Variants in UPRT observed in about 807,000 individuals in gnomAD.
The protein encoded by UPRT is uracil phosphoribosyltransferase homolog, also known as RP11-311P8.3.
A neutral mutation model predicts 22.6 loss-of-function variants in UPRT; 5 were observed. The observed-to-expected ratio is 0.22, with a 90% CI of 0.12 to 0.47. The LOEUF is 0.47. Ranked by LOEUF, UPRT falls within the 20% of genes least tolerant of loss-of-function variation. The pLI is 0.99. For missense variants in UPRT, 181 were observed against 239.9 expected, an observed-to-expected ratio of 0.75 and a Z score of 1.62; for synonymous variants, 77 against 87.7, an observed-to-expected ratio of 0.88 and a Z score of 0.68.
chrX:75,161,937 C>T (rs147004959), intron 2 of UPRT, among the ~76,000 whole-genome samples: 1,112 of 111,122 alleles, frequency 0.01, 14 homozygotes, highest in African/African-American at 0.034. Context: ...CCAGCTTTAT[C>T]TCGACAAAAA....
intron 4 of UPRT, among the ~76,000 whole-genome samples, chrX:75,237,271 A>G (rs1444993268): frequency 8.9e-6 from 1 of 111,973 alleles, no homozygotes; most frequent in Admixed American, 9.4e-5. Context: ...ACCAGTTAGA[A>G]TGGCAATCAT....
intron 4 of UPRT, among the ~76,000 whole-genome samples, chrX:75,191,689 C>T (rs1174439833): frequency 8.9e-6 from 1 of 112,160 alleles, no homozygotes; most frequent in East Asian, 2.8e-4. Flanking sequence ...AGCCTCACTG[C>T]CACCTTGCAG....
At chrX:75,177,071 G>T (rs2082249474) in intron 4 of UPRT, among the ~76,000 whole-genome samples, 1 of 111,122 alleles carries the variant, frequency 9.0e-6, no homozygotes, top group African/African-American at 3.3e-5. Flanking sequence ...CATGGTTTTG[G>T]TTTATTTTGT....
At chrX:75,298,128 G>A (rs2082732358) in intron 4 of UPRT, among the ~76,000 whole-genome samples, 1 of 107,991 alleles carries the variant, frequency 9.3e-6, no homozygotes, top group Non-Finnish European at 1.9e-5. Context: ...ACAGGCACAT[G>A]CCACTATACC....
Position 75,184,987 on chromosome X carries a change from C to T in UPRT, c.-447+17108C>T, listed in dbSNP as rs748538718. On this transcript the variant is annotated intron_variant, in intron 4 of 13. Coordinates refer to the UPRT transcript ENST00000652605. ...GCAAACAGGTACAATTTGAGTTCCT[C>T]TTTTCCTAATTGAATACCCTTTGTT... is the stretch of plus-strand genomic sequence containing the variant. 3.6e-5 allele frequency among the ~76,000 whole-genome samples: 4 copies of T among 111,198 alleles called. No individual in the cohort carries two copies. The South Asian group carries it at 1.5e-3, about 43-fold the overall frequency.
chrX:75,223,074 G>A (rs2082414717), intron 4 of UPRT, among the ~76,000 whole-genome samples: 1 of 109,622 alleles, frequency 9.1e-6, no homozygotes, highest in Non-Finnish European at 1.9e-5. Flanking sequence ...TGTGGACTGG[G>A]TCCTTCCCTT....
chrX:75,186,299 C>T (rs764450820), intron 4 of UPRT, among the ~76,000 whole-genome samples: 1 of 111,613 alleles, frequency 9.0e-6, no homozygotes, highest in Non-Finnish European at 1.9e-5. Context: ...CATTCAGGAG[C>T]AGGTTGTTCA....
intron 4 of UPRT, among the ~76,000 whole-genome samples, chrX:75,263,648 T>A (rs2082576667): frequency 9.1e-6 from 1 of 109,650 alleles, no homozygotes; most frequent in African/African-American, 3.3e-5. Flanking sequence ...ATCAATTTTG[T>A]TGATCTTTTC....
intron 4 of UPRT, among the ~76,000 whole-genome samples, chrX:75,190,093 CAT>C (rs1260947383): frequency 3.6e-5 from 4 of 112,118 alleles, no homozygotes; most frequent in African/African-American, 9.7e-5. Flanking sequence ...TACATGTTGG[CAT>C]ATTTTTGCAG....
chrX:75,238,162 G>C (rs1487537837), intron 4 of UPRT, among the ~76,000 whole-genome samples: 1 of 111,176 alleles, frequency 9.0e-6, no homozygotes, highest in African/African-American at 3.3e-5. Context: ...GGCCCTAAAT[G>C]CTCTGCTTAA....
At chrX:75,178,903 T>C (rs780330690) in intron 4 of UPRT, among the ~76,000 whole-genome samples, 15 of 111,937 alleles carry the variant, frequency 1.3e-4, no homozygotes, top group African/African-American at 4.9e-4. Context: ...TTTATTCTCT[T>C]ATCTGGCCTC....
At chrX:75,283,020 A>G (rs893887023) in intron 1 of UPRT, among the ~76,000 whole-genome samples, 3 of 112,132 alleles carry the variant, frequency 2.7e-5, no homozygotes, top group African/African-American at 9.7e-5. Context: ...TTTCACCATT[A>G]TATAATGTCC....
At position 75,235,341 on chromosome X, in the gene UPRT, C is replaced by T. The variant is rs762081418; in HGVS notation, c.-446-55683C>T. Among the ~76,000 whole-genome samples the T allele has an allele frequency of 3.8e-4, 42 of 111,447 alleles. 1 individual carries two copies. Among genetic ancestry groups the T allele is most frequent in the African/African-American group, 1.2e-3 (38 of 30,727 alleles). ...GTCCAGGACCAGATGGATTCACAGC[C>T]GAATTCTACCAGAGGTAGAAGGAGG... On this transcript the variant is annotated intron_variant, in intron 4 of 13. Coordinates refer to the UPRT transcript ENST00000652605.
upstream of UPRT, among the ~76,000 whole-genome samples, chrX:75,269,132 T>C (rs1022470149): frequency 9.1e-6 from 1 of 109,922 alleles, no homozygotes; most frequent in East Asian, 2.8e-4. Context: ...GAGAACCAAA[T>C]AATGAGTGAA....
chrX:75,266,299 A>G (rs75978149), intron 4 of UPRT, among the ~76,000 whole-genome samples: 70,278 of 110,055 alleles, frequency 0.64, 20,433 homozygotes, highest in Non-Finnish European at 0.9. Context: ...ATCTACAACC[A>G]TCTGATCTTT....
chrX:75,190,711 G>A (rs762979794), intron 4 of UPRT, among the ~76,000 whole-genome samples: 22 of 111,079 alleles, frequency 2.0e-4, no homozygotes, highest in East Asian at 1.1e-3. Flanking sequence ...TTCTCTTCTC[G>A]CTTCATTTCA....
At chrX:75,278,100 T>C (rs1602488394) in intron 1 of UPRT, among the ~76,000 whole-genome samples, 1 of 111,596 alleles carries the variant, frequency 9.0e-6, no homozygotes, top group East Asian at 2.8e-4. Context: ...ACTGTGGAAC[T>C]GTCCGATAAT....
chrX:75,209,327 G>A (rs1008077018), intron 4 of UPRT, among the ~76,000 whole-genome samples: 7 of 111,299 alleles, frequency 6.3e-5, no homozygotes, highest in Non-Finnish European at 1.3e-4. Flanking sequence ...GTGATGAAGC[G>A]GGAGGAAGAG....
intron 4 of UPRT, among the ~76,000 whole-genome samples, chrX:75,179,448 G>A (rs951469949): frequency 1.8e-5 from 2 of 113,378 alleles, no homozygotes; most frequent in African/African-American, 6.4e-5. Context: ...AGCCTAGCTG[G>A]CTTCACCTAG....
Sources: gnomAD v4.1 joint callset for allele counts (sites outside exome capture counted in the v4.1 genomes callset) on GRCh38, gnomAD v4.1.1 for gene constraint, MANE v1.5 for transcripts, NCBI Gene and HGNC (gene_info 2026-07-23, HGNC 2026-07-21) for gene names.